COMMD1: variants seen among roughly 807,000 people sequenced by gnomAD.
COMMD1 encodes the protein copper metabolism domain containing 1, also known as COMM domain-containing protein 1.
COMMD1 carries 10 observed loss-of-function variants against 17.2 expected under a neutral mutation model. The ratio of observed to expected loss-of-function variants is 0.58; its 90% confidence interval spans 0.36 to 0.99. The LOEUF (loss-of-function observed/expected upper bound fraction) is 0.99. COMMD1 is among the 50% of genes least tolerant of loss of function. The pLI, the probability that COMMD1 is intolerant of heterozygous loss-of-function variation, is 0.01. For synonymous variants in COMMD1, 97 were observed against 91.6 expected, an observed-to-expected ratio of 1.06 and a Z score of -0.34; for missense variants, 270 against 231.8, an observed-to-expected ratio of 1.17 and a Z score of -1.07.
chr2:61,927,220 T>A (rs1027521897), intron 1 of COMMD1, among the ~76,000 whole-genome samples: 1 of 152,184 alleles, frequency 6.6e-6, no homozygotes, highest in Non-Finnish European at 1.5e-5. Context: ...GGCTACCTTT[T>A]TTGTGTAAGG....
rs927469003 is a variant in COMMD1 at position 61,896,479 on chromosome 2, G to A, written n.119+7637G>A. On this transcript the variant is annotated intron_variant and non_coding_transcript_variant, in intron 1 of 2. Coordinates refer to the COMMD1 transcript ENST00000472729. ...ACCTGTAGTCCTAGCTACTCGAGAG[G>A]CTGAGGCAGGAGGATCCTTTTGAGC... Among the ~76,000 whole-genome samples the A allele has an allele frequency of 3.1e-4, 47 of 152,268 alleles. 1 individual carries two copies. The highest frequency in any genetic ancestry group is 1.0e-3 in the African/African-American group (43 of 41,558).
In COMMD1 at chr2:62,017,274, G is replaced by T. The variant is rs78595331; in HGVS notation, c.462+16292G>T. On this transcript the variant is annotated intron_variant, in intron 2 of 2. Transcript: ENST00000311832. ...TATGATAAACCTAGTGAATGTAACA[G>T]TGTTGATCACAAAATTAGTTTGATC... Among the ~76,000 whole-genome samples, 158 of 152,342 alleles carry T rather than the reference G, an allele frequency of 1.0e-3. 1 individual carries two copies. The highest frequency in any genetic ancestry group is 1.7e-3 in the Non-Finnish European group (119 of 68,032).
intron 1 of COMMD1, among the ~76,000 whole-genome samples, chr2:61,950,528 A>G (rs1170949713): frequency 7.2e-5 from 11 of 152,250 alleles, no homozygotes; most frequent in Admixed American, 7.2e-4. Flanking sequence ...ACCCCAGTGG[A>G]TGATCAAAAC....
At chr2:62,077,614 A>C (rs1315028007) in intron 2 of COMMD1, among the ~76,000 whole-genome samples, 1 of 152,124 alleles carries the variant, frequency 6.6e-6, no homozygotes. Context: ...AAATTTCAGG[A>C]CAGGGACCTA....
At chr2:62,050,115 CT>C (rs1296184887) in intron 2 of COMMD1, among the ~76,000 whole-genome samples, 1 of 152,116 alleles carries the variant, frequency 6.6e-6, no homozygotes, top group African/African-American at 2.4e-5. Flanking sequence ...AAAATATAAG[CT>C]ACTGATTCCA....
chr2:62,001,047 A>T (rs878867733), intron 2 of COMMD1, 65 bp downstream of exon 2: 2 of 1,429,094 alleles, frequency 1.4e-6, no homozygotes, highest in Admixed American at 1.7e-5. Context: ...TAGCTTGTCT[A>T]TTCAGCTTGA....
Position 61,953,621 on chromosome 2 carries a change from C to T in COMMD1, c.181-47080C>T, listed in dbSNP as rs544420296. ...CTGAGCTCAGTCAATCTGCCCACCT[C>T]GGCTTCCCAAAGTGCTAGGATTACA... On this transcript the variant is annotated intron_variant, in intron 1 of 2. Transcript: ENST00000311832. Among the ~76,000 whole-genome samples the T allele has an allele frequency of 1.1e-3, 161 of 152,102 alleles. 5 individuals carry two copies. In the South Asian group the frequency reaches 0.03, roughly 29 times the overall value.
At chr2:62,096,948 T>A (rs1672028850) in intron 2 of COMMD1, among the ~76,000 whole-genome samples, 1 of 152,224 alleles carries the variant, frequency 6.6e-6, no homozygotes, top group African/African-American at 2.4e-5. Flanking sequence ...GAAAAATAAG[T>A]AGGACTTTCT....
At chr2:62,020,863 C>T (rs963264650) in intron 2 of COMMD1, among the ~76,000 whole-genome samples, 6 of 152,038 alleles carry the variant, frequency 3.9e-5, no homozygotes, top group Non-Finnish European at 7.4e-5. Context: ...ATTAGCCAGG[C>T]GTCATGGCGC....
intron 1 of COMMD1, among the ~76,000 whole-genome samples, chr2:61,917,571 A>T (rs1442461454): frequency 6.6e-6 from 1 of 151,596 alleles, no homozygotes; most frequent in Non-Finnish European, 1.5e-5. Context: ...TGTGTCTCCC[A>T]GGTTGGACTG....
At chr2:62,074,536 A>G (rs1313675874) in intron 2 of COMMD1, among the ~76,000 whole-genome samples, 1 of 152,252 alleles carries the variant, frequency 6.6e-6, no homozygotes, top group Non-Finnish European at 1.5e-5. Context: ...GGGACAAACC[A>G]GTCAAATTCT....
At chr2:61,992,283 G>T (rs982686120) in intron 1 of COMMD1, among the ~76,000 whole-genome samples, 2 of 152,194 alleles carry the variant, frequency 1.3e-5, no homozygotes, top group African/African-American at 4.8e-5. Context: ...AGTACAAGTT[G>T]TATTAATTGC....
intron 2 of COMMD1, among the ~76,000 whole-genome samples, chr2:62,041,827 G>C (rs1314685033): frequency 1.3e-5 from 2 of 152,206 alleles, no homozygotes; most frequent in East Asian, 3.9e-4. Context: ...TGGTCTCGCT[G>C]GCTTCAGGAG....
intron 2 of COMMD1, among the ~76,000 whole-genome samples, chr2:62,012,208 G>A (rs1669297504): frequency 6.6e-6 from 1 of 150,528 alleles, no homozygotes; most frequent in African/African-American, 2.4e-5. Flanking sequence ...AGTGAGCCAA[G>A]ATCACGCCAT....
intron 2 of COMMD1, among the ~76,000 whole-genome samples, chr2:62,010,743 A>G (rs1053124789): frequency 3.2e-4 from 48 of 152,072 alleles, no homozygotes; most frequent in Admixed American, 7.2e-4. Flanking sequence ...TTTAAAATAT[A>G]TCTAAAATTT....
chr2:61,919,953 CCT>C (rs1670145922), intron 1 of COMMD1, among the ~76,000 whole-genome samples: 1 of 151,878 alleles, frequency 6.6e-6, no homozygotes. Context: ...ATAGGGAGCC[CCT>C]GTCTCTACAA....
At chr2:61,999,506 G>A (rs1668862178) in intron 1 of COMMD1, among the ~76,000 whole-genome samples, 1 of 152,182 alleles carries the variant, frequency 6.6e-6, no homozygotes, top group Non-Finnish European at 1.5e-5. Flanking sequence ...TACAGTTGAA[G>A]TATATCAAAC....
rs1668922830 is a variant in COMMD1 at position 62,000,962 on chromosome 2, G to A, written c.442G>A (p.Glu148Lys). 7 of 1,613,480 alleles carry A rather than the reference G, an allele frequency of 4.3e-6. No homozygotes were observed. The East Asian group carries it at 1.3e-4, about 31-fold the overall frequency. Residue 148 changes from glutamate to lysine, a missense_variant, in exon 2 of 3, where the codon GAA (glutamate) becomes AAA (lysine). Physicochemically the swap from Glu to Lys is moderately conservative, Grantham distance 56 (BLOSUM62 1). Transcript: ENST00000311832. ...CACACCTGTTGCCATTATAGAGCTG[G>A]AATTAGGCAAATATGGACAGGTGAG... Reference protein sequence around the residue: ...IHTPVAIIELELGKYGQESEF... With the variant: ...IHTPVAIIELKLGKYGQESEF...
chr2:61,978,863 A>G (rs1039268115), intron 1 of COMMD1, among the ~76,000 whole-genome samples: 8 of 152,216 alleles, frequency 5.3e-5, no homozygotes, highest in Non-Finnish European at 1.2e-4. Context: ...ATTTTTTAAA[A>G]TGTGGATGGA....
Sources: gnomAD v4.1 joint callset for allele counts (sites outside exome capture counted in the v4.1 genomes callset) on GRCh38, gnomAD v4.1.1 for gene constraint, MANE v1.5 for transcripts, NCBI Gene and HGNC (gene_info 2026-07-23, HGNC 2026-07-21) for gene names.